The following EPHA5 variants were observed in gnomAD, a reference collection of about 807,000 sequenced individuals.
EPHA5 encodes EPH receptor A5.
Under a neutral mutation model 105.0 loss-of-function variants are expected in EPHA5, and 60 were observed. The observed-to-expected ratio is 0.57, with a 90% CI of 0.46 to 0.71. The LOEUF (loss-of-function observed/expected upper bound fraction) is 0.71, where lower values mean the gene tolerates loss of function less well. Ranked by LOEUF, EPHA5 falls within the 30% of genes least tolerant of loss-of-function variation. EPHA5 has a pLI of 0.00. For synonymous variants in EPHA5, 513 were observed against 449.1 expected (o/e 1.14, Z -1.80); for missense variants, 1,218 against 1,274.7 (o/e 0.96, Z 0.68).
intron 2 of EPHA5, among the ~76,000 whole-genome samples, chr4:65,640,254 A>C (rs1349740514): frequency 6.7e-6 from 1 of 148,446 alleles, no homozygotes; most frequent in Non-Finnish European, 1.5e-5. Context: ...GGCCATGTGT[A>C]GACATTGAAG....
At chr4:65,573,149 G>C (rs62300405) in intron 3 of EPHA5, among the ~76,000 whole-genome samples, 38,462 of 151,000 alleles carry the variant, frequency 0.25, 5,377 homozygotes, top group East Asian at 0.46. Flanking sequence ...CGGTGGCTCA[G>C]GCCTGTAATC....
At chr4:65,353,128 A>G in intron 11 of EPHA5, 25 bp from the exon 12 acceptor site, 2 of 1,468,272 alleles carry the variant, frequency 1.4e-6, no homozygotes, top group Non-Finnish European at 1.8e-6. Context: ...GAGTGATATA[A>G]CCTGCTGCTC....
At chr4:65,466,549 A>T (rs1258091064) in intron 5 of EPHA5, among the ~76,000 whole-genome samples, 1 of 152,150 alleles carries the variant, frequency 6.6e-6, no homozygotes. Context: ...AACTGTAGAG[A>T]TCCAAGAGAG....
intron 5 of EPHA5, among the ~76,000 whole-genome samples, chr4:65,442,222 T>C (rs1726086366): frequency 6.6e-6 from 1 of 152,080 alleles, no homozygotes; most frequent in African/African-American, 2.4e-5. Context: ...TAATGAGGCT[T>C]CAGTGAGGTC....
chr4:65,368,979 TG>T (rs1718192320), intron 8 of EPHA5, among the ~76,000 whole-genome samples: 1 of 152,196 alleles, frequency 6.6e-6, no homozygotes, highest in Non-Finnish European at 1.5e-5. Context: ...ATTTTCCCTT[TG>T]GAGCACAGTA....
At chr4:65,480,384 A>C (rs1730237781) in intron 5 of EPHA5, among the ~76,000 whole-genome samples, 2 of 152,108 alleles carry the variant, frequency 1.3e-5, no homozygotes, top group Non-Finnish European at 2.9e-5. Flanking sequence ...AATTCAAAAA[A>C]CTCAGTTTCC....
At chr4:65,533,056 TA>T (rs1268906701) in intron 3 of EPHA5, among the ~76,000 whole-genome samples, 1 of 151,986 alleles carries the variant, frequency 6.6e-6, no homozygotes, top group Non-Finnish European at 1.5e-5. Flanking sequence ...TTTCCATTAA[TA>T]TTTTTTTTTC....
At chr4:65,377,812 A>G (rs1719159317) in intron 8 of EPHA5, among the ~76,000 whole-genome samples, 1 of 151,970 alleles carries the variant, frequency 6.6e-6, no homozygotes, top group African/African-American at 2.4e-5. Context: ...TTATTGATAG[A>G]AAACATGTAA....
intron 3 of EPHA5, among the ~76,000 whole-genome samples, chr4:65,556,162 C>G (rs1289063553): frequency 2.6e-5 from 4 of 152,120 alleles, no homozygotes; most frequent in Admixed American, 6.6e-5. Context: ...ACTGACACAC[C>G]ATTTCTGAAA....
Position 65,573,333 on chromosome 4 carries a change from C to G in EPHA5, c.910+28308G>C, listed in dbSNP as rs373566216. 4 of 575,238 alleles carry G rather than the reference C, an allele frequency of 7.0e-6. No individual in the cohort carries two copies. In the South Asian group the frequency reaches 7.7e-5, roughly 11 times the overall value. The allele number at this position is 575,238 out of a possible 1,614,324, so 35.6% of individuals were successfully genotyped here. A position where few individuals can be genotyped will look rare whatever the true frequency, so the allele number is the denominator to read the frequency against. On this transcript the variant is annotated intron_variant, in intron 3 of 16. Coordinates refer to ENST00000613740, the MANE Select transcript of EPHA5 (RefSeq NM_001281766.3). Reference sequence around the variant, plus strand: ...GGCGGAGGCAGGAGAATGGCGTGAACCCGGGAGGCAGAGCTTGCAATGAGC... The same window carrying G: ...GGCGGAGGCAGGAGAATGGCGTGAAGCCGGGAGGCAGAGCTTGCAATGAGC...
At chr4:65,578,610 A>G (rs2149393046) in intron 3 of EPHA5, among the ~76,000 whole-genome samples, 1 of 152,358 alleles carries the variant, frequency 6.6e-6, no homozygotes, top group South Asian at 2.1e-4. Flanking sequence ...TATCTAAATT[A>G]AAGTTTTGTA....
intron 5 of EPHA5, among the ~76,000 whole-genome samples, chr4:65,468,549 A>AATATATATATTATATATT (rs1728945130): frequency 9.8e-6 from 1 of 101,538 alleles, no homozygotes; most frequent in Non-Finnish European, 1.9e-5. Flanking sequence ...ATATATATAT[A>AATATATATATTATATATT]ATATATATAT....
intron 1 of EPHA5, among the ~76,000 whole-genome samples, chr4:65,644,744 A>G (rs899213752): frequency 2.0e-5 from 3 of 151,992 alleles, no homozygotes; most frequent in African/African-American, 7.2e-5. Context: ...ACGTTTGGGA[A>G]CATGCATATC....
intron 1 of EPHA5, among the ~76,000 whole-genome samples, chr4:65,650,041 A>G (rs1748455482): frequency 6.6e-6 from 1 of 152,210 alleles, no homozygotes; most frequent in Admixed American, 6.5e-5. Context: ...ATATTAACAA[A>G]TAATCACATA....
intron 3 of EPHA5, among the ~76,000 whole-genome samples, chr4:65,521,024 A>G (rs1734651482): frequency 6.6e-6 from 1 of 151,960 alleles, no homozygotes; most frequent in East Asian, 1.9e-4. Context: ...CTCATTACAG[A>G]GTATATACCC....
chr4:65,421,355 T>C (rs1448170969), intron 5 of EPHA5, among the ~76,000 whole-genome samples: 1 of 152,132 alleles, frequency 6.6e-6, no homozygotes, highest in Non-Finnish European at 1.5e-5. Context: ...CATGGCAACA[T>C]AGAATAGTAA....
intron 3 of EPHA5, among the ~76,000 whole-genome samples, chr4:65,522,798 T>A (rs1039725338): frequency 1.6e-4 from 24 of 152,018 alleles, no homozygotes; most frequent in African/African-American, 5.8e-4. Flanking sequence ...TTCACTTCTA[T>A]TTCCTATTCA....
At chr4:65,617,823 T>C (rs1745375020) in intron 2 of EPHA5, among the ~76,000 whole-genome samples, 1 of 152,164 alleles carries the variant, frequency 6.6e-6, no homozygotes, top group Non-Finnish European at 1.5e-5. Flanking sequence ...TTCATTTATC[T>C]GCGTATCTCT....
intron 8 of EPHA5, among the ~76,000 whole-genome samples, chr4:65,386,959 A>T (rs1323704983): frequency 6.6e-6 from 1 of 151,946 alleles, no homozygotes; most frequent in Non-Finnish European, 1.5e-5. Context: ...AATATAAAAA[A>T]AAAAGGCTGA....
Sources: gnomAD v4.1 joint callset for allele counts (sites outside exome capture counted in the v4.1 genomes callset) on GRCh38, gnomAD v4.1.1 for gene constraint, MANE v1.5 for transcripts, NCBI Gene and HGNC (gene_info 2026-07-23, HGNC 2026-07-21) for gene names.